The following OSBP2 variants were observed in gnomAD, a reference collection of about 807,000 sequenced individuals.
OSBP2 encodes the protein oxysterol-binding protein 2.
Under a neutral mutation model 96.0 loss-of-function variants are expected in OSBP2, and 66 were observed. That is an observed-to-expected ratio of 0.69 (90% CI 0.56 to 0.84). The LOEUF (loss-of-function observed/expected upper bound fraction) is 0.84, where lower values mean the gene tolerates loss of function less well. Among genes scored for constraint, OSBP2 ranks in the 40% least tolerant of loss-of-function variants. The probability of loss-of-function intolerance (pLI) is 0.00; values close to 1 mark genes in which losing one functional copy is unlikely to be tolerated. For missense variants in OSBP2, 1,038 were observed against 1,222.7 expected (o/e 0.85, Z 2.25); for synonymous variants, 525 against 520.9 (o/e 1.01, Z -0.11).
In OSBP2 at chr22:30,906,436, A is replaced by G; in HGVS notation, c.*97A>G. On this transcript the variant is annotated 3_prime_UTR_variant, in exon 14 of 14. Coordinates refer to ENST00000332585, the MANE Select transcript of OSBP2 (RefSeq NM_030758.4). ...TACTGAATGGTCTTTCTCCCAGCCC[A>G]TTCCCAGCCCTTCCTATTTCCTTTC... 7.4e-7 allele frequency: 1 copy of G among 1,349,738 alleles called. No homozygotes were observed. Among genetic ancestry groups the G allele is most frequent in the Non-Finnish European group, 9.9e-7 (1 of 1,014,378 alleles). The allele number at this position is 1,349,738 out of a possible 1,614,324, so 83.6% of individuals were successfully genotyped here.
intron 2 of OSBP2, among the ~76,000 whole-genome samples, chr22:30,779,248 ATTTTTTTTTT>A (rs567486168): frequency 5.8e-5 from 7 of 119,716 alleles, no homozygotes; most frequent in Non-Finnish European, 1.0e-4. Context: ...CACCCAGCTA[ATTTTTTTTTT>A]TTTTTTTTTT....
chr22:30,906,150 G>A (rs2040332671), intron 13 of OSBP2, 47 bp from the exon 14 acceptor site: 5 of 1,612,850 alleles, frequency 3.1e-6, no homozygotes, highest in South Asian at 1.1e-5. Context: ...GATTCCGGGG[G>A]AGCAGGCCAC....
rs748239834 is a variant in OSBP2 at position 30,890,849 on chromosome 22, C to T, written c.1745C>T (p.Ala582Val). ...SSVEQMCLVA[A>V]FSVSSYSTTV... is the part of the protein sequence containing the mutation. ...GTGGAGCAGATGTGCCTGGTGGCCG[C>T]CTTCTCTGTGTCCTCCTACTCCACC... The change falls in exon 8 of 14, where the codon GCC becomes GTC. Residue 582 changes from alanine to valine, a missense_variant. Around this residue, in one of 3 missense-constraint regions of OSBP2, gnomAD observed 737 missense variants for 913.3 expected, o/e 0.81. Coordinates refer to ENST00000332585, the MANE Select transcript of OSBP2 (RefSeq NM_030758.4). This position sits in a 1 kb window ranked among gnomAD's most constrained non-coding sequence, Gnocchi z 4.4. 1 of 1,613,878 alleles carries T rather than the reference C, an allele frequency of 6.2e-7. No individual in the cohort carries two copies. The highest frequency in any genetic ancestry group is 1.1e-5 in the South Asian group (1 of 91,084).
intron 12 of OSBP2, among the ~76,000 whole-genome samples, chr22:30,905,134 CTTTTTTT>C (rs566334052): frequency 2.9e-5 from 2 of 68,732 alleles, no homozygotes; most frequent in African/African-American, 5.8e-5. Flanking sequence ...CGAGACCCGT[CTTTTTTT>C]TTTTTTTTTT....
intron 8 of OSBP2, among the ~76,000 whole-genome samples, chr22:30,891,192 T>A (rs547561129): frequency 6.6e-6 from 1 of 152,294 alleles, no homozygotes; most frequent in African/African-American, 2.4e-5. Context: ...AGAACTCAGC[T>A]TGGTGAGGAC....
At chr22:30,833,448 C>T (rs1024469764) in intron 2 of OSBP2, among the ~76,000 whole-genome samples, 3 of 152,204 alleles carry the variant, frequency 2.0e-5, no homozygotes, top group African/African-American at 7.2e-5. Flanking sequence ...CATGGAGCTC[C>T]TGGGCCATAC....
intron 2 of OSBP2, among the ~76,000 whole-genome samples, chr22:30,805,880 G>A (rs1423093042): frequency 6.6e-6 from 1 of 152,216 alleles, no homozygotes; most frequent in Admixed American, 6.5e-5. Context: ...TGAGGAGTCT[G>A]TTCAGAGAAA....
At chr22:30,758,569 G>C (rs1220047993) in intron 2 of OSBP2, among the ~76,000 whole-genome samples, 1 of 152,102 alleles carries the variant, frequency 6.6e-6, no homozygotes, top group African/African-American at 2.4e-5. Context: ...GTGGACTCAG[G>C]GGAGACCCAG....
At position 30,737,178 on chromosome 22, in the gene OSBP2, G is replaced by A. The variant is rs529200277; in HGVS notation, c.645-3983G>A. Reference sequence around the variant, plus strand: ...TTACAGGCATGCATCACCACACCTGGCTAATTTTTCTATTATTAGTAGAGA... The same window carrying A: ...TTACAGGCATGCATCACCACACCTGACTAATTTTTCTATTATTAGTAGAGA... On this transcript the variant is annotated intron_variant, in intron 1 of 13. Transcript: ENST00000332585. 1.6e-4 allele frequency among the ~76,000 whole-genome samples: 24 copies of A among 152,152 alleles called. 1 individual carries two copies. The South Asian group carries it at 5.0e-3, about 32-fold the overall frequency.
chr22:30,774,090 A>C (rs1262151506), intron 2 of OSBP2, among the ~76,000 whole-genome samples: 1 of 151,906 alleles, frequency 6.6e-6, no homozygotes, highest in Non-Finnish European at 1.5e-5. Flanking sequence ...GACAGTCCTG[A>C]CCACCAATGA....
chr22:30,860,935 A>C (rs931794955), intron 2 of OSBP2, among the ~76,000 whole-genome samples: 43 of 152,288 alleles, frequency 2.8e-4, no homozygotes, highest in African/African-American at 1.0e-3. Flanking sequence ...CATCATCCCC[A>C]GGACAGCCGA....
chr22:30,903,640 G>A (rs2040263458), intron 12 of OSBP2, among the ~76,000 whole-genome samples: 1 of 152,254 alleles, frequency 6.6e-6, no homozygotes, highest in Non-Finnish European at 1.5e-5. Flanking sequence ...CTGGCCAGCT[G>A]CAGTGAATGG....
intron 1 of OSBP2, among the ~76,000 whole-genome samples, chr22:30,704,683 C>T (rs1365299303): frequency 1.3e-5 from 2 of 152,070 alleles, no homozygotes; most frequent in Non-Finnish European, 2.9e-5. Flanking sequence ...CCAGGCTGGT[C>T]TCGAACTCCT....
chr22:30,743,457 G>C (rs1447198148), intron 2 of OSBP2, among the ~76,000 whole-genome samples: 1 of 152,064 alleles, frequency 6.6e-6, no homozygotes, highest in African/African-American at 2.4e-5. Flanking sequence ...GCGGTCCCCC[G>C]GGTACCACTC....
intron 2 of OSBP2, among the ~76,000 whole-genome samples, chr22:30,855,146 A>G (rs565048240): frequency 6.6e-6 from 1 of 152,370 alleles, no homozygotes; most frequent in East Asian, 1.9e-4. Context: ...CCATATGAGT[A>G]GGTCAAGTGA....
At chr22:30,742,320 T>C (rs1328882887) in intron 2 of OSBP2, among the ~76,000 whole-genome samples, 1 of 151,414 alleles carries the variant, frequency 6.6e-6, no homozygotes, top group Non-Finnish European at 1.5e-5. Context: ...TAATCCCAGC[T>C]ACTCAGGAGG....
At chr22:30,806,328 C>T (rs1215350292) in intron 2 of OSBP2, among the ~76,000 whole-genome samples, 1 of 152,152 alleles carries the variant, frequency 6.6e-6, no homozygotes, top group Non-Finnish European at 1.5e-5. Flanking sequence ...GTGAGAGCGC[C>T]CCATCGCTTA....
intron 2 of OSBP2, among the ~76,000 whole-genome samples, chr22:30,793,517 G>C (rs1332962445): frequency 1.3e-5 from 2 of 151,866 alleles, no homozygotes; most frequent in Non-Finnish European, 2.9e-5. Context: ...TGTGCACGGT[G>C]ACTCATGCCT....
chr22:30,739,455 C>T (rs1041762997), intron 1 of OSBP2, among the ~76,000 whole-genome samples: 5 of 152,194 alleles, frequency 3.3e-5, no homozygotes, highest in African/African-American at 1.2e-4. Context: ...AGGATCCCAA[C>T]CTGCTCCAAC....
Sources: gnomAD v4.1 joint callset for allele counts (sites outside exome capture counted in the v4.1 genomes callset) on GRCh38, gnomAD v4.1.1 for gene constraint, gnomAD v4.1.1 regional missense constraint, Gnocchi (gnomAD v3.1) non-coding constraint, MANE v1.5 for transcripts, NCBI Gene and HGNC (gene_info 2026-07-23, HGNC 2026-07-21) for gene names.